The following SPOCK3 variants were observed in gnomAD, a reference collection of about 807,000 sequenced individuals.
SPOCK3 encodes SPARC (osteonectin), cwcv and kazal like domains proteoglycan 3.
SPOCK3 carries 30 observed loss-of-function variants against 56.6 expected under a neutral mutation model. That is an observed-to-expected ratio of 0.53 (90% CI 0.40 to 0.72). The LOEUF is 0.72. Ranked by LOEUF, SPOCK3 falls within the 30% of genes least tolerant of loss-of-function variation. SPOCK3 has a pLI of 0.00. For synonymous variants in SPOCK3, 196 were observed against 183.3 expected, an observed-to-expected ratio of 1.07 and a Z score of -0.56; for missense variants, 527 against 530.0, an observed-to-expected ratio of 0.99 and a Z score of 0.06.
chr4:166,811,057 T>A (rs1397536824), intron 6 of SPOCK3, among the ~76,000 whole-genome samples: 1 of 151,926 alleles, frequency 6.6e-6, no homozygotes, highest in Admixed American at 6.6e-5. Context: ...TTTTATTATA[T>A]TTTTGTTTCT....
intron 2 of SPOCK3, among the ~76,000 whole-genome samples, chr4:167,199,225 T>TGTGTG (rs1733263636): frequency 7.0e-6 from 1 of 141,976 alleles, no homozygotes. Context: ...AAATATTTGT[T>TGTGTG]TGTGTGTGTG....
chr4:167,062,254 A>G (rs2150246626), intron 3 of SPOCK3, among the ~76,000 whole-genome samples: 1 of 151,984 alleles, frequency 6.6e-6, no homozygotes, highest in South Asian at 2.1e-4. Flanking sequence ...AGCCCAAATC[A>G]GTCATCTAAA....
At chr4:166,767,273 G>T (rs947204287) in intron 7 of SPOCK3, among the ~76,000 whole-genome samples, 1 of 152,048 alleles carries the variant, frequency 6.6e-6, no homozygotes, top group Non-Finnish European at 1.5e-5. Flanking sequence ...TCTTTTAATT[G>T]TGATGTTAGG....
chr4:166,894,187 C>A (rs1367917860), intron 5 of SPOCK3, among the ~76,000 whole-genome samples: 4 of 152,074 alleles, frequency 2.6e-5, no homozygotes, highest in Non-Finnish European at 5.9e-5. Flanking sequence ...GGAGCATTTC[C>A]TTTTCTCACC....
At chr4:166,890,264 G>A (rs1272384018) in intron 5 of SPOCK3, among the ~76,000 whole-genome samples, 1 of 151,820 alleles carries the variant, frequency 6.6e-6, no homozygotes, top group Admixed American at 6.6e-5. Flanking sequence ...TAGAAGAGAG[G>A]AATGCCTGAA....
In SPOCK3 at chr4:166,843,102, C is replaced by T. The variant is rs373288416; in HGVS notation, c.589+46028G>A. Among the ~76,000 whole-genome samples, 36 of 152,302 alleles carry T rather than the reference C, an allele frequency of 2.4e-4. No homozygotes were observed. The East Asian group carries it at 6.4e-3, about 27-fold the overall frequency. ...CCCTCACTGCCTAGGACCTGCCAGC[C>T]GCTCTGAGTGCGGGGCCCGCCAAGC... On this transcript the variant is annotated intron_variant, in intron 6 of 10. Transcript: ENST00000357545.
chr4:167,086,553 A>G (rs1221680622), intron 2 of SPOCK3, among the ~76,000 whole-genome samples: 1 of 152,040 alleles, frequency 6.6e-6, no homozygotes, highest in African/African-American at 2.4e-5. Context: ...GTTACCTTGA[A>G]ATTTCAGATT....
intron 2 of SPOCK3, among the ~76,000 whole-genome samples, chr4:167,068,871 G>C (rs1756407643): frequency 6.6e-6 from 1 of 151,886 alleles, no homozygotes; most frequent in African/African-American, 2.4e-5. Context: ...TTCAAAGCAT[G>C]ATGGGAGCAA....
chr4:167,069,820 G>T (rs1050484847), intron 2 of SPOCK3, among the ~76,000 whole-genome samples: 1 of 151,882 alleles, frequency 6.6e-6, no homozygotes, highest in South Asian at 2.1e-4. Context: ...AAGAATCTTA[G>T]AGAAAATCCT....
At position 166,924,472 on chromosome 4, in the gene SPOCK3, G is replaced by C. The variant is rs530717174; in HGVS notation, c.351-11729C>G. 6.6e-5 allele frequency among the ~76,000 whole-genome samples: 10 copies of C among 152,278 alleles called. No homozygotes were observed. In the South Asian group the frequency reaches 1.9e-3, roughly 28 times the overall value. ...GTCACATGACTTTTTAGAATAACAAGATCCATTTAATCTACGAACTCATGC... is the reference window on the plus strand; with the variant it reads ...GTCACATGACTTTTTAGAATAACAACATCCATTTAATCTACGAACTCATGC... On this transcript the variant is annotated intron_variant, in intron 4 of 10. Coordinates refer to ENST00000357545, the MANE Select transcript of SPOCK3 (RefSeq NM_001040159.2).
chr4:166,995,249 A>ATGTG (rs58554412), intron 4 of SPOCK3, among the ~76,000 whole-genome samples: 1 of 151,194 alleles, frequency 6.6e-6, no homozygotes, highest in African/African-American at 2.4e-5. Context: ...GTATGTATGT[A>ATGTG]TGTGTGTGTG....
At chr4:167,202,653 G>A (rs995859225) in intron 2 of SPOCK3, among the ~76,000 whole-genome samples, 5 of 151,410 alleles carry the variant, frequency 3.3e-5, no homozygotes, top group African/African-American at 1.2e-4. Context: ...AATCTCAACT[G>A]TGAAGGGTAG....
intron 3 of SPOCK3, among the ~76,000 whole-genome samples, chr4:167,008,295 A>C (rs1174999400): frequency 6.6e-6 from 1 of 152,048 alleles, no homozygotes; most frequent in African/African-American, 2.4e-5. Context: ...ATCCTACTGT[A>C]ATATAAATAT....
At chr4:166,752,533 A>G (rs571944025) in intron 8 of SPOCK3, among the ~76,000 whole-genome samples, 1 of 151,096 alleles carries the variant, frequency 6.6e-6, no homozygotes, top group South Asian at 2.1e-4. Context: ...GCAGCTATAT[A>G]TAGAGTAGCT....
chr4:166,737,133 G>A (rs1734292813), intron 10 of SPOCK3, among the ~76,000 whole-genome samples: 1 of 152,194 alleles, frequency 6.6e-6, no homozygotes, highest in African/African-American at 2.4e-5. Context: ...ACGATAAATA[G>A]AGTTTATTGA....
chr4:167,078,003 G>A (rs1757351689), intron 2 of SPOCK3, among the ~76,000 whole-genome samples: 1 of 151,816 alleles, frequency 6.6e-6, no homozygotes, highest in Non-Finnish European at 1.5e-5. Context: ...CATAGTCTCT[G>A]CTCTCATGTA....
At chr4:166,964,117 G>A (rs917655367) in intron 4 of SPOCK3, among the ~76,000 whole-genome samples, 11 of 151,202 alleles carry the variant, frequency 7.3e-5, no homozygotes, top group African/African-American at 2.4e-4. Flanking sequence ...ATATATACTA[G>A]ATGATCAATA....
At chr4:166,772,211 G>T (rs1739026336) in intron 7 of SPOCK3, among the ~76,000 whole-genome samples, 2 of 152,012 alleles carry the variant, frequency 1.3e-5, no homozygotes, top group Non-Finnish European at 2.9e-5. Context: ...TTTAGAACTA[G>T]TGAACCAAAT....
chr4:167,108,701 T>A (rs1221563393), intron 2 of SPOCK3, among the ~76,000 whole-genome samples: 1 of 151,220 alleles, frequency 6.6e-6, no homozygotes, highest in Non-Finnish European at 1.5e-5. Flanking sequence ...GGTTAATGGG[T>A]AAAAACAGTA....
Sources: allele counts gnomAD v4.1 joint callset (sites outside exome capture counted in the v4.1 genomes callset), GRCh38; gene constraint gnomAD v4.1.1; transcripts MANE v1.5; gene names NCBI Gene and HGNC (gene_info 2026-07-23, HGNC 2026-07-21).